The following SCLT1 variants were observed in gnomAD, a reference collection of about 807,000 sequenced individuals.
SCLT1 encodes sodium channel-associated protein 1.
Under a neutral mutation model 112.8 loss-of-function variants are expected in SCLT1, and 78 were observed. The ratio of observed to expected loss-of-function variants is 0.69; its 90% CI spans 0.58 to 0.83. The LOEUF is 0.83. Ranked by LOEUF, SCLT1 falls within the 40% of genes least tolerant of loss-of-function variation. SCLT1 has a pLI of 0.00. For synonymous variants in SCLT1, 257 were observed against 254.7 expected, an observed-to-expected ratio of 1.01 and a Z score of -0.09; for missense variants, 747 against 770.4, an observed-to-expected ratio of 0.97 and a Z score of 0.36.
intron 2 of SCLT1, among the ~76,000 whole-genome samples, chr4:129,064,742 G>C (rs1750319427): frequency 6.6e-6 from 1 of 152,104 alleles, no homozygotes; most frequent in South Asian, 2.1e-4. Context: ...CCTTTGACTA[G>C]TAAGCCATTA....
chr4:129,033,267 C>A (rs2126148441), intron 5 of SCLT1, among the ~76,000 whole-genome samples: 1 of 151,610 alleles, frequency 6.6e-6, no homozygotes, highest in South Asian at 2.1e-4. Context: ...TGCATGTTCT[C>A]ACTCATAGGT....
chr4:129,062,836 A>G (rs1750112450), intron 2 of SCLT1, among the ~76,000 whole-genome samples: 1 of 152,136 alleles, frequency 6.6e-6, no homozygotes, highest in Non-Finnish European at 1.5e-5. Flanking sequence ...TTGATTTTTG[A>G]CAATTTGATT....
At chr4:128,906,519 A>G (rs1734709190) in intron 18 of SCLT1, among the ~76,000 whole-genome samples, 1 of 152,188 alleles carries the variant, frequency 6.6e-6, no homozygotes, top group South Asian at 2.1e-4. Flanking sequence ...CAAAGTAGCC[A>G]TCAAGTGATA....
At chr4:129,092,887 C>T (rs1051598886) in intron 1 of SCLT1, among the ~76,000 whole-genome samples, 183 bp downstream of exon 1, 1 of 152,162 alleles carries the variant, frequency 6.6e-6, no homozygotes, top group Non-Finnish European at 1.5e-5. Context: ...TACTACCACA[C>T]GGTTCTGCTT....
intron 5 of SCLT1, 49 bp from the exon 6 acceptor site, chr4:129,003,925 G>A (rs1743764396): frequency 6.4e-7 from 1 of 1,558,892 alleles, no homozygotes. Context: ...TTTCGTAACA[G>A]TAATTACTGT....
intron 18 of SCLT1, among the ~76,000 whole-genome samples, chr4:128,932,921 T>C (rs529854990): frequency 1.3e-5 from 2 of 152,132 alleles, no homozygotes; most frequent in Non-Finnish European, 1.5e-5. Flanking sequence ...TATTGAAAAC[T>C]ACCAAAAACT....
At chr4:129,057,458 C>T (rs1361307821) in intron 2 of SCLT1, among the ~76,000 whole-genome samples, 1 of 145,110 alleles carries the variant, frequency 6.9e-6, no homozygotes, top group Non-Finnish European at 1.5e-5. Context: ...GTAGCTAGGA[C>T]TACAGGCGTG....
chr4:128,881,211 T>A (rs948032194), downstream of SCLT1, among the ~76,000 whole-genome samples: 2 of 152,236 alleles, frequency 1.3e-5, no homozygotes, highest in Non-Finnish European at 2.9e-5. Context: ...TTTATGTGTA[T>A]GTATGTATGT....
chr4:128,952,721 TTAAAA>T (rs1458322014), intron 14 of SCLT1, 43 bp downstream of exon 14: 2 of 1,048,188 alleles, frequency 1.9e-6, no homozygotes, highest in South Asian at 1.3e-5. Flanking sequence ...ATCTTGGCCT[TTAAAA>T]TAAGTAATAT....
At chr4:129,089,693 A>G (rs1240647287) in intron 1 of SCLT1, among the ~76,000 whole-genome samples, 1 of 152,242 alleles carries the variant, frequency 6.6e-6, no homozygotes, top group Non-Finnish European at 1.5e-5. Flanking sequence ...ATAGAAAAAT[A>G]TAAGTTCATG....
At chr4:128,989,628 A>C (rs1433287072) in intron 9 of SCLT1, among the ~76,000 whole-genome samples, 1 of 151,788 alleles carries the variant, frequency 6.6e-6, no homozygotes, top group Non-Finnish European at 1.5e-5. Context: ...GCAGAGCAGA[A>C]ATAAATAAAA....
chr4:128,877,558 G>A (rs1198657790), intron 3 of SCLT1, among the ~76,000 whole-genome samples: 2 of 152,114 alleles, frequency 1.3e-5, no homozygotes, highest in Non-Finnish European at 2.9e-5. Flanking sequence ...GCACACGCCT[G>A]TAATCCTAGC....
At chr4:128,984,163 A>G (rs1211237276) in intron 9 of SCLT1, among the ~76,000 whole-genome samples, 1 of 152,234 alleles carries the variant, frequency 6.6e-6, no homozygotes. Context: ...TAGTTTTATC[A>G]ATCTCTAAAC....
rs534017545 is a variant in SCLT1, at chr4:128,991,050, G to A, written c.686+1117C>T. ...GATTAAATGCAATCAAAATACCAAT[G>A]ACATTCTTTACAGAAATAGAAAAAA... On this transcript the variant is annotated intron_variant, in intron 9 of 20. Transcript: ENST00000281142. Among the ~76,000 whole-genome samples, 376 of 151,622 alleles carry A rather than the reference G, an allele frequency of 2.5e-3. 3 individuals carry two copies. Among genetic ancestry groups the A allele is most frequent in the African/African-American group, 8.9e-3 (368 of 41,458 alleles).
chr4:129,006,117 G>A (rs192136181), intron 5 of SCLT1, among the ~76,000 whole-genome samples: 166 of 151,580 alleles, frequency 1.1e-3, no homozygotes, highest in African/African-American at 3.9e-3. Flanking sequence ...GTATACATAT[G>A]TAACTAACCT....
intron 5 of SCLT1, among the ~76,000 whole-genome samples, chr4:129,021,024 G>A (rs1208736256): frequency 6.6e-6 from 1 of 152,184 alleles, no homozygotes; most frequent in Non-Finnish European, 1.5e-5. Context: ...GCAGAAGGAA[G>A]ATGATTTCTG....
At chr4:128,912,581 A>T (rs1378798216) in intron 18 of SCLT1, among the ~76,000 whole-genome samples, 1 of 151,952 alleles carries the variant, frequency 6.6e-6, no homozygotes, top group South Asian at 2.1e-4. Flanking sequence ...GGAGGGATAC[A>T]ATTCATATAT....
At chr4:129,079,852 T>C (rs1317034174) in intron 2 of SCLT1, among the ~76,000 whole-genome samples, 1 of 152,204 alleles carries the variant, frequency 6.6e-6, no homozygotes, top group Admixed American at 6.5e-5. Flanking sequence ...GGCATTTCCA[T>C]ATATCCTCTG....
At chr4:128,891,008 T>C in intron 19 of SCLT1, 51 bp downstream of exon 19, 4 of 1,273,614 alleles carry the variant, frequency 3.1e-6, no homozygotes, top group Non-Finnish European at 4.6e-6. Flanking sequence ...TTCTATAACA[T>C]GTGTATCATG....
Sources: allele counts gnomAD v4.1 joint callset (sites outside exome capture counted in the v4.1 genomes callset), GRCh38; gene constraint gnomAD v4.1.1; transcripts MANE v1.5; gene names NCBI Gene and HGNC (gene_info 2026-07-23, HGNC 2026-07-21).